PI4KB: variants seen among roughly 807,000 people sequenced by gnomAD.
PI4KB encodes phosphatidylinositol 4-kinase beta, also known as PtdIns 4-kinase beta.
In PI4KB, 23 loss-of-function variants were observed where a neutral mutation model predicts 81.4. That is an observed-to-expected ratio of 0.28 (90% CI 0.20 to 0.40). The LOEUF (loss-of-function observed/expected upper bound fraction) is 0.40, where lower values mean the gene tolerates loss of function less well. PI4KB is among the 10% of genes least tolerant of loss of function. The probability of loss-of-function intolerance (pLI) is 1.00; values close to 1 mark genes in which losing one functional copy is unlikely to be tolerated. For synonymous variants in PI4KB, 381 were observed against 406.8 expected, an observed-to-expected ratio of 0.94 and a Z score of 0.76; for missense variants, 651 against 1,036.6, an observed-to-expected ratio of 0.63 and a Z score of 5.11.
rs138350871 is a variant in PI4KB, at chr1:151,315,876, G to A, written c.606C>T (p.Cys202=). 2.6e-4 allele frequency: 413 copies of A among 1,614,070 alleles called. 2 individuals are homozygous for A. The African/African-American group carries it at 4.6e-3, about 18-fold the overall frequency. The part of the protein sequence containing the change: ...DAIKPYIVHR[C]RQSINFSLQC... ...GGAGGGAAAAGTTAATGCTCTGGCG[G>A]CAACGGTGGACTATGTAGGGCTTAA... Residue 202 remains cysteine, a synonymous_variant, in exon 2 of 12, where the codon TGC becomes TGT. Transcript: ENST00000368873.
At chr1:151,319,053 A>G (rs1648453270) in intron 1 of PI4KB, among the ~76,000 whole-genome samples, 1 of 152,262 alleles carries the variant, frequency 6.6e-6, no homozygotes, top group Admixed American at 6.5e-5. Context: ...CAACTTATGC[A>G]AGCCATTTAT....
At chr1:151,318,786 C>A (rs1333220752) in intron 1 of PI4KB, among the ~76,000 whole-genome samples, 2 of 151,906 alleles carry the variant, frequency 1.3e-5, no homozygotes, top group Non-Finnish European at 2.9e-5. Flanking sequence ...TATTTTTTTA[C>A]CTTCCCTTTT....
At chr1:151,314,590 G>A (rs587717511) in intron 2 of PI4KB, among the ~76,000 whole-genome samples, 2 of 152,298 alleles carry the variant, frequency 1.3e-5, no homozygotes, top group African/African-American at 2.4e-5. Context: ...TACTAAGAGT[G>A]CTTTCTCTTC....
In PI4KB at chr1:151,304,244, T is replaced by C. The variant is rs587657302; in HGVS notation, c.1411-594A>G. Among the ~76,000 whole-genome samples, 5 of 152,296 alleles carry C rather than the reference T, an allele frequency of 3.3e-5. No individual in the cohort carries two copies. The South Asian group carries it at 8.3e-4, about 25-fold the overall frequency. ...ACCTAGTACACACTGCTTTGTTGTA[T>C]ATCTAAATTTTTTTTTCTTAAATGT... On this transcript the variant is annotated intron_variant, in intron 5 of 11. Coordinates refer to ENST00000368873, the MANE Select transcript of PI4KB (RefSeq NM_001369623.2).
intron 8 of PI4KB, chr1:151,300,540 G>A (rs1695173290): frequency 6.6e-6 from 1 of 152,516 alleles, no homozygotes; most frequent in African/African-American, 2.4e-5. Context: ...CTGGGAGGCG[G>A]AGGTTGTGGT....
chr1:151,320,424 A>G (rs1441611736), intron 1 of PI4KB, among the ~76,000 whole-genome samples: 1 of 151,966 alleles, frequency 6.6e-6, no homozygotes, highest in Non-Finnish European at 1.5e-5. Flanking sequence ...CGGATGGGGA[A>G]CTCTTCTGTT....
chr1:151,326,192 C>T (rs1287867305), intron 1 of PI4KB: 1 of 1,611,492 alleles, frequency 6.2e-7, no homozygotes, highest in Non-Finnish European at 8.5e-7. Context: ...AATTTCCACG[C>T]AGGCCTGTTC....
At chr1:151,303,241 T>A in intron 6 of PI4KB, 1 of 266,802 alleles carries the variant, frequency 3.7e-6, no homozygotes, top group Non-Finnish European at 7.6e-6. Flanking sequence ...CCTCGTGATC[T>A]GCCCGCCTCG....
In PI4KB at chr1:151,327,290, A is replaced by T. The variant is rs1649790196; in HGVS notation, c.-48T>A. 5.5e-6 allele frequency: 1 copy of T among 181,542 alleles called. No homozygotes were observed. Among genetic ancestry groups the T allele is most frequent in the Admixed American group, 8.0e-5 (1 of 12,566 alleles). The allele number at this position is 181,542 out of a possible 1,614,324, so 11.2% of individuals were successfully genotyped here. A position where few individuals can be genotyped will look rare whatever the true frequency, so the allele number is the denominator to read the frequency against. ...GCTTACCTCTGGGGGACCCCCGCGG[A>T]GGGGGTGCGGGCAGTCGCGGTTGGA... On this transcript the variant is annotated 5_prime_UTR_variant, in exon 1 of 12. Transcript: ENST00000368873.
At chr1:151,320,226 G>C (rs1268246309) in intron 1 of PI4KB, among the ~76,000 whole-genome samples, 3 of 152,074 alleles carry the variant, frequency 2.0e-5, no homozygotes, top group Non-Finnish European at 4.4e-5. Flanking sequence ...GTAGAGGCAG[G>C]GTTTCACCAT....
intron 5 of PI4KB, among the ~76,000 whole-genome samples, chr1:151,305,909 T>G (rs904210913): frequency 2.3e-4 from 35 of 152,190 alleles, no homozygotes; most frequent in African/African-American, 8.4e-4. Context: ...TAGAAGCTCC[T>G]CTTTACATTT....
chr1:151,313,993 T>C (rs184639274), intron 2 of PI4KB, among the ~76,000 whole-genome samples: 179 of 152,344 alleles, frequency 1.2e-3, no homozygotes, highest in African/African-American at 4.1e-3. Context: ...CTCAGCATGG[T>C]TGTGAGGATT....
At chr1:151,297,222 C>T (rs587657011) in intron 9 of PI4KB, among the ~76,000 whole-genome samples, 1 of 152,260 alleles carries the variant, frequency 6.6e-6, no homozygotes, top group African/African-American at 2.4e-5. Context: ...GCTGGGACCA[C>T]AGCTGTATAC....
chr1:151,321,781 G>A (rs1336056599), intron 1 of PI4KB, among the ~76,000 whole-genome samples: 1 of 150,258 alleles, frequency 6.7e-6, no homozygotes, highest in Non-Finnish European at 1.5e-5. Context: ...GCTGAGGCAG[G>A]AGAATAGCAT....
Position 151,296,689 on chromosome 1 carries a change from CAA to C in PI4KB, c.2015+2117_2015+2118del, listed in dbSNP as rs587729614. Among the ~76,000 whole-genome samples the C allele has an allele frequency of 1.2e-3, 175 of 152,160 alleles. 1 individual carries two copies. The highest frequency in any genetic ancestry group is 4.1e-3 in the African/African-American group (171 of 41,516). ...TTCACCGTGTTGGTCATGCTGGTCT[CAA>C]ACTCCTGACCTCAGGCGATTTGCCC... On this transcript the variant is annotated intron_variant, in intron 9 of 11. Coordinates refer to ENST00000368873, the MANE Select transcript of PI4KB (RefSeq NM_001369623.2).
rs767419989 is a variant in PI4KB at position 151,303,529 on chromosome 1, A to G, written c.1520+12T>C. 6.5e-7 allele frequency: 1 copy of G among 1,526,972 alleles called. No homozygotes were observed. The highest frequency in any genetic ancestry group is 1.1e-5 in the South Asian group (1 of 89,384). 94.6% of individuals were successfully genotyped at this position (1,526,972 alleles called of 1,614,324 possible). A position where few individuals can be genotyped will look rare whatever the true frequency, so the allele number is the denominator to read the frequency against. On this transcript the variant is annotated intron_variant, in intron 6 of 11. Coordinates refer to ENST00000368873, the MANE Select transcript of PI4KB (RefSeq NM_001369623.2). ...GGGATGAAAAATGAGGGGCAATGTG[A>G]TCTGGCCATACCGGATGTCCCCTGC...
chr1:151,299,160 C>A, intron 8 of PI4KB, 87 bp from the exon 9 acceptor site: 1 of 1,205,580 alleles, frequency 8.3e-7, no homozygotes, highest in Non-Finnish European at 1.2e-6. Context: ...TCCAGCCTCT[C>A]TCCTTGGTAG....
At chr1:151,298,397 T>G (rs374533812) in intron 9 of PI4KB, 2 of 197,930 alleles carry the variant, frequency 1.0e-5, no homozygotes, top group Non-Finnish European at 2.1e-5. Context: ...AGCTTCACAA[T>G]GAAGGCCCTT....
At chr1:151,325,710 CAGAA>C (rs1649509487) in intron 1 of PI4KB, among the ~76,000 whole-genome samples, 1 of 152,172 alleles carries the variant, frequency 6.6e-6, no homozygotes, top group Non-Finnish European at 1.5e-5. Context: ...AAACATCTGA[CAGAA>C]AGACCAAGGT....
Sources: gnomAD v4.1 joint callset for allele counts (sites outside exome capture counted in the v4.1 genomes callset) on GRCh38, gnomAD v4.1.1 for gene constraint, MANE v1.5 for transcripts, NCBI Gene and HGNC (gene_info 2026-07-23, HGNC 2026-07-21) for gene names.